The following FAM13A variants were observed in gnomAD, a reference collection of about 807,000 sequenced individuals.
FAM13A encodes the protein family with sequence similarity 13 member A, also known as protein FAM13A.
In FAM13A, 76 loss-of-function variants were observed where a neutral mutation model predicts 129.6. That is an observed-to-expected ratio of 0.59 (90% CI 0.49 to 0.71). The LOEUF is 0.71. Among genes scored for constraint, FAM13A ranks in the 30% least tolerant of loss-of-function variants. The pLI, the probability that FAM13A is intolerant of heterozygous loss-of-function variation, is 0.00. For synonymous variants in FAM13A, 443 were observed against 449.9 expected (o/e 0.98, Z 0.20); for missense variants, 1,108 against 1,249.3 (o/e 0.89, Z 1.70).
chr4:88,912,056 C>T (rs900851108), intron 5 of FAM13A, among the ~76,000 whole-genome samples: 1 of 152,226 alleles, frequency 6.6e-6, no homozygotes, highest in Non-Finnish European at 1.5e-5. Context: ...GAATTACTGT[C>T]TTCTCTTAGC....
chr4:88,782,261 A>G (rs1401711981), intron 10 of FAM13A, among the ~76,000 whole-genome samples: 2 of 152,036 alleles, frequency 1.3e-5, no homozygotes, highest in Non-Finnish European at 2.9e-5. Flanking sequence ...GCATTCCTAT[A>G]ATAGGTTTTC....
chr4:88,752,239 C>G (rs1300236842), intron 14 of FAM13A, among the ~76,000 whole-genome samples: 1 of 152,132 alleles, frequency 6.6e-6, no homozygotes, highest in Non-Finnish European at 1.5e-5. Flanking sequence ...AACGATTGAT[C>G]CAACCCAGCA....
chr4:89,009,371 C>G (rs528210954), intron 3 of FAM13A, among the ~76,000 whole-genome samples: 1 of 152,304 alleles, frequency 6.6e-6, no homozygotes, highest in South Asian at 2.1e-4. Context: ...AACGCCACTA[C>G]CTCTCCTTAC....
At chr4:88,880,436 C>T (rs950381446) in intron 6 of FAM13A, among the ~76,000 whole-genome samples, 1 of 152,014 alleles carries the variant, frequency 6.6e-6, no homozygotes, top group Non-Finnish European at 1.5e-5. Context: ...TCTGTGGGCA[C>T]TCTTGGTCCA....
At chr4:88,829,363 C>G (rs757454643) in intron 7 of FAM13A, among the ~76,000 whole-genome samples, 3 of 152,124 alleles carry the variant, frequency 2.0e-5, no homozygotes, top group Non-Finnish European at 2.9e-5. Flanking sequence ...TGCTTCAGCC[C>G]AGGAAGCTGA....
intron 11 of FAM13A, among the ~76,000 whole-genome samples, chr4:88,776,106 A>G (rs973718427): frequency 2.0e-5 from 3 of 152,234 alleles, no homozygotes; most frequent in Non-Finnish European, 4.4e-5. Context: ...TATATATTAA[A>G]TGTAATATTA....
intron 5 of FAM13A, among the ~76,000 whole-genome samples, chr4:88,916,705 C>T (rs923205161): frequency 6.6e-6 from 1 of 152,160 alleles, no homozygotes; most frequent in Non-Finnish European, 1.5e-5. Context: ...TGGCTTGCTC[C>T]ACCATGTCAT....
chr4:88,841,709 A>G (rs912815122), intron 7 of FAM13A, among the ~76,000 whole-genome samples: 2 of 152,130 alleles, frequency 1.3e-5, no homozygotes, highest in Non-Finnish European at 2.9e-5. Context: ...TCAAAACACA[A>G]TGAGACATCG....
intron 7 of FAM13A, among the ~76,000 whole-genome samples, chr4:88,838,845 C>A (rs964782699): frequency 6.6e-6 from 1 of 152,152 alleles, no homozygotes; most frequent in African/African-American, 2.4e-5. Flanking sequence ...TCCTTCTATG[C>A]TCATAAACAT....
intron 5 of FAM13A, among the ~76,000 whole-genome samples, chr4:88,908,937 T>C (rs867818189): frequency 2.4e-4 from 36 of 152,168 alleles, no homozygotes; most frequent in African/African-American, 8.4e-4. Flanking sequence ...GGTACTTAGA[T>C]TTCTGGAGAA....
intron 4 of FAM13A, among the ~76,000 whole-genome samples, chr4:88,986,486 T>C (rs1762261195): frequency 1.3e-5 from 2 of 152,232 alleles, no homozygotes; most frequent in African/African-American, 4.8e-5. Context: ...CAAAATTACA[T>C]TGAAAAGGAA....
intron 1 of FAM13A, among the ~76,000 whole-genome samples, chr4:89,045,437 T>A (rs1770722224): frequency 6.6e-6 from 1 of 152,136 alleles, no homozygotes; most frequent in Admixed American, 6.5e-5. Context: ...GAATCCCCAA[T>A]GAAGAAAATC....
rs184167225 is a variant in FAM13A at position 88,874,804 on chromosome 4, T to C, written c.844-23621A>G. Among the ~76,000 whole-genome samples the C allele has an allele frequency of 1.4e-3, 212 of 152,268 alleles. 2 individuals are homozygous for C. Among genetic ancestry groups the C allele is most frequent in the African/African-American group, 4.6e-3 (190 of 41,536 alleles). On this transcript the variant is annotated intron_variant, in intron 6 of 23. Coordinates refer to ENST00000264344, the MANE Select transcript of FAM13A (RefSeq NM_014883.4). ...GGAAAAAACTACTTTAAAGTTCATA[T>C]GGAACCAAGAAAGAGCCTGCATTGC...
At chr4:88,783,223 G>A (rs1481070296) in intron 10 of FAM13A, among the ~76,000 whole-genome samples, 1 of 151,612 alleles carries the variant, frequency 6.6e-6, no homozygotes, top group African/African-American at 2.4e-5. Flanking sequence ...TAGGTCTTTT[G>A]CAAACTATGT....
intron 13 of FAM13A, among the ~76,000 whole-genome samples, chr4:88,762,442 C>A (rs1034661003): frequency 6.6e-6 from 1 of 152,164 alleles, no homozygotes; most frequent in African/African-American, 2.4e-5. Flanking sequence ...TAGAGATGCA[C>A]GTACAGGCTG....
chr4:88,919,380 A>G (rs1750636366), intron 5 of FAM13A, among the ~76,000 whole-genome samples: 1 of 152,274 alleles, frequency 6.6e-6, no homozygotes, highest in African/African-American at 2.4e-5. Context: ...AGAGATGTGA[A>G]CAATTATTAA....
At chr4:88,810,027 G>T (rs549836695) in intron 7 of FAM13A, among the ~76,000 whole-genome samples, 1 of 151,998 alleles carries the variant, frequency 6.6e-6, no homozygotes, top group Non-Finnish European at 1.5e-5. Flanking sequence ...TTGTGCCTAA[G>T]AACACAACTC....
chr4:88,856,118 A>C (rs1036462334), intron 6 of FAM13A: 9 of 152,192 alleles, frequency 5.9e-5, no homozygotes, highest in African/African-American at 2.2e-4. Context: ...TAATAAACTG[A>C]TAGTTTAGAC....
At chr4:88,804,733 C>CTAAT (rs796848424) in intron 8 of FAM13A, among the ~76,000 whole-genome samples, 20 of 152,132 alleles carry the variant, frequency 1.3e-4, no homozygotes, top group African/African-American at 4.8e-4. Flanking sequence ...TGCTTACAGC[C>CTAAT]TAATCATCAG....
Sources: gnomAD v4.1 joint callset for allele counts (sites outside exome capture counted in the v4.1 genomes callset) on GRCh38, gnomAD v4.1.1 for gene constraint, MANE v1.5 for transcripts, NCBI Gene and HGNC (gene_info 2026-07-23, HGNC 2026-07-21) for gene names.